Variants in CADPS2 observed in about 807,000 individuals in gnomAD.
The protein encoded by CADPS2 is calcium-dependent secretion activator 2.
A neutral mutation model predicts 172.5 loss-of-function variants in CADPS2; 93 were observed. That is an observed-to-expected ratio of 0.54 (90% CI 0.46 to 0.64). CADPS2 has a LOEUF of 0.64. CADPS2 is among the 30% of genes least tolerant of loss of function. The probability of loss-of-function intolerance (pLI) is 0.00; values close to 1 mark genes in which losing one functional copy is unlikely to be tolerated. For missense variants in CADPS2, 1,420 were observed against 1,565.9 expected, an observed-to-expected ratio of 0.91 and a Z score of 1.57; for synonymous variants, 546 against 555.2, an observed-to-expected ratio of 0.98 and a Z score of 0.23.
intron 1 of CADPS2, among the ~76,000 whole-genome samples, chr7:122,839,458 A>G (rs2140887997): frequency 6.6e-6 from 1 of 152,362 alleles, no homozygotes; most frequent in East Asian, 1.9e-4. Context: ...GAACTTCTGC[A>G]CAGCAAAAGA....
At position 122,642,273 on chromosome 7, in the gene CADPS2, C is replaced by T. The variant is rs796372456; in HGVS notation, c.787-12945G>A. Among the ~76,000 whole-genome samples, 4 of 125,840 alleles carry T rather than the reference C, an allele frequency of 3.2e-5. No individual in the cohort carries two copies. In the South Asian group the frequency reaches 1.2e-3, roughly 37 times the overall value. 82.6% of individuals were successfully genotyped at this position (125,840 alleles called of 152,430 possible). A position where few individuals can be genotyped will look rare whatever the true frequency, so the allele number is the denominator to read the frequency against. Reference sequence around the variant, plus strand: ...CCAGCCTGGAAGGCACAGTGAGACTCCATCTCAAAAAAAAAAAAAAAAGGA... The same window carrying T: ...CCAGCCTGGAAGGCACAGTGAGACTTCATCTCAAAAAAAAAAAAAAAAGGA... On this transcript the variant is annotated intron_variant, in intron 3 of 29. Coordinates refer to ENST00000449022, the MANE Select transcript of CADPS2 (RefSeq NM_017954.11).
intron 6 of CADPS2, among the ~76,000 whole-genome samples, chr7:122,613,985 A>C (rs1298800116): frequency 6.6e-6 from 1 of 152,056 alleles, no homozygotes; most frequent in East Asian, 1.9e-4. Flanking sequence ...ACTGGGTTAA[A>C]GGGAAGGATT....
chr7:122,692,349 G>A (rs1373506266), intron 2 of CADPS2, among the ~76,000 whole-genome samples: 1 of 152,212 alleles, frequency 6.6e-6, no homozygotes, highest in African/African-American at 2.4e-5. Flanking sequence ...CACTGGGCGA[G>A]CCTGCAACAG....
intron 1 of CADPS2, among the ~76,000 whole-genome samples, chr7:122,760,831 C>A (rs1369127839): frequency 2.1e-4 from 14 of 67,666 alleles, no homozygotes; most frequent in African/African-American, 8.7e-4. Context: ...GGGAGGGGGG[C>A]GGGATAGCAT....
At chr7:122,700,118 G>A (rs1014877402) in intron 2 of CADPS2, among the ~76,000 whole-genome samples, 3 of 152,138 alleles carry the variant, frequency 2.0e-5, no homozygotes, top group Non-Finnish European at 4.4e-5. Context: ...CAGCCACGCT[G>A]CTACTGGTAC....
chr7:122,673,715 A>G (rs2082102413), intron 2 of CADPS2, among the ~76,000 whole-genome samples: 1 of 152,216 alleles, frequency 6.6e-6, no homozygotes, highest in African/African-American at 2.4e-5. Context: ...AAAGTTCTCC[A>G]AGTCCCCACT....
intron 2 of CADPS2, among the ~76,000 whole-genome samples, chr7:122,683,583 AT>A (rs979583515): frequency 3.2e-4 from 49 of 151,844 alleles, no homozygotes; most frequent in African/African-American, 8.0e-4. Context: ...TTCTCAACAT[AT>A]TTTTTTTAAT....
chr7:122,481,036 G>T (rs2057227243), intron 11 of CADPS2, among the ~76,000 whole-genome samples, 176 bp from the exon 12 acceptor site: 1 of 152,096 alleles, frequency 6.6e-6, no homozygotes, highest in Admixed American at 6.5e-5. Context: ...TAAGTCAATG[G>T]AGGGAGGAAA....
At chr7:122,794,323 T>C (rs1206237784) in intron 1 of CADPS2, among the ~76,000 whole-genome samples, 3 of 152,116 alleles carry the variant, frequency 2.0e-5, no homozygotes, top group African/African-American at 4.8e-5. Context: ...TCTGTACTCT[T>C]GTCTAATTGT....
intron 3 of CADPS2, among the ~76,000 whole-genome samples, chr7:122,655,425 C>T (rs1159955713): frequency 6.6e-6 from 1 of 152,094 alleles, no homozygotes. Flanking sequence ...CACATCAAGG[C>T]GAGACCCTCT....
chr7:122,457,576 G>A (rs980239833), intron 14 of CADPS2, among the ~76,000 whole-genome samples: 4 of 152,116 alleles, frequency 2.6e-5, no homozygotes, highest in Admixed American at 2.0e-4. Flanking sequence ...ATATGAAGGG[G>A]TCTGAGAAGC....
At chr7:122,765,233 TAC>T (rs2093510013) in intron 1 of CADPS2, among the ~76,000 whole-genome samples, 1 of 152,214 alleles carries the variant, frequency 6.6e-6, no homozygotes, top group Non-Finnish European at 1.5e-5. Flanking sequence ...GGGCTCAAAT[TAC>T]AGTTCCATCA....
Position 122,480,867 on chromosome 7 carries a change from G to A in CADPS2, c.1853-7C>T. 2 of 1,517,828 alleles carry A rather than the reference G, an allele frequency of 1.3e-6. No homozygotes were observed. The highest frequency in any genetic ancestry group is 1.8e-6 in the Non-Finnish European group (2 of 1,136,050). The allele number at this position is 1,517,828 out of a possible 1,614,324, so 94.0% of individuals were successfully genotyped here. On this transcript the variant is annotated splice_region_variant and splice_polypyrimidine_tract_variant and intron_variant, in intron 11 of 29. Transcript: ENST00000449022. ...AAATACTTACCTTTACCAGCTACAG[G>A]TCAGCAAAGAAATGAGAAACAAAGC... is the stretch of plus-strand genomic sequence containing the variant.
At chr7:122,432,643 TAAAA>T (rs57311950) in intron 17 of CADPS2, among the ~76,000 whole-genome samples, 3 of 108,542 alleles carry the variant, frequency 2.8e-5, no homozygotes, top group Admixed American at 1.0e-4. Flanking sequence ...TCTGTTAAAA[TAAAA>T]AAAAAAAAAA....
chr7:122,826,789 T>A (rs1425885574), intron 1 of CADPS2, among the ~76,000 whole-genome samples: 1 of 151,902 alleles, frequency 6.6e-6, no homozygotes, highest in East Asian at 1.9e-4. Context: ...GGAACACAGC[T>A]AAAACATTAC....
intron 17 of CADPS2, among the ~76,000 whole-genome samples, chr7:122,434,252 T>C (rs565277078): frequency 1.3e-5 from 2 of 152,282 alleles, no homozygotes; most frequent in Non-Finnish European, 2.9e-5. Flanking sequence ...CACTTAGCAA[T>C]CATTGTAGGT....
chr7:122,661,549 C>T (rs2080531059), intron 3 of CADPS2, among the ~76,000 whole-genome samples: 1 of 151,968 alleles, frequency 6.6e-6, no homozygotes, highest in East Asian at 1.9e-4. Context: ...AATCCATAAG[C>T]TTTTCTTTCA....
chr7:122,791,741 A>C (rs1795335323), intron 1 of CADPS2, among the ~76,000 whole-genome samples: 1 of 152,202 alleles, frequency 6.6e-6, no homozygotes, highest in South Asian at 2.1e-4. Context: ...TCTAATTATA[A>C]ACCACAATTT....
chr7:122,463,905 T>C (rs2054792569), intron 14 of CADPS2, among the ~76,000 whole-genome samples: 2 of 152,148 alleles, frequency 1.3e-5, no homozygotes, highest in African/African-American at 2.4e-5. Flanking sequence ...CTGAAATGAA[T>C]GTTGATGTCC....
Sources: gnomAD v4.1 joint callset for allele counts (sites outside exome capture counted in the v4.1 genomes callset) on GRCh38, gnomAD v4.1.1 for gene constraint, MANE v1.5 for transcripts, NCBI Gene and HGNC (gene_info 2026-07-23, HGNC 2026-07-21) for gene names.